Variants in TOX2 observed in about 807,000 individuals in gnomAD.
The protein encoded by TOX2 is granulosa cell HMG box 1.
TOX2 carries 15 observed loss-of-function variants against 47.4 expected under a neutral mutation model. That is an observed-to-expected ratio of 0.32 (90% CI 0.21 to 0.49). The LOEUF (loss-of-function observed/expected upper bound fraction) is 0.49, where lower values mean the gene tolerates loss of function less well. TOX2 is among the 20% of genes least tolerant of loss of function. TOX2 has a pLI of 0.99. For missense variants in TOX2, 622 were observed against 673.1 expected (o/e 0.92, Z 0.84); for synonymous variants, 290 against 296.6 (o/e 0.98, Z 0.23).
chr20:44,019,733 G>A lies in TOX2; in HGVS notation c.411+12941G>A, dbSNP rs533417640. Among the ~76,000 whole-genome samples the A allele has an allele frequency of 1.1e-4, 16 of 152,274 alleles. No individual in the cohort carries two copies. In the South Asian group the frequency reaches 1.2e-3, roughly 12 times the overall value. ...CATGGTTAGTTCTTCCTGTCATCCC[G>A]GAAACTGATAACAAGACCGCGAGTC... On this transcript the variant is annotated intron_variant, in intron 3 of 8. Coordinates refer to ENST00000341197, the MANE Select transcript of TOX2 (RefSeq NM_001098797.2).
chr20:43,981,068 G>A (rs1326873821), intron 2 of TOX2, among the ~76,000 whole-genome samples: 28 of 152,178 alleles, frequency 1.8e-4, no homozygotes, highest in Admixed American at 1.8e-3. Context: ...AAATACAAGT[G>A]GCTCTTAAGT....
chr20:43,987,912 CTTTTTTTTTTTTT>C (rs762084312), intron 2 of TOX2, among the ~76,000 whole-genome samples: 2 of 69,980 alleles, frequency 2.9e-5, no homozygotes, highest in African/African-American at 6.1e-5. Context: ...ATATCAACAT[CTTTTTTTTTTTTT>C]TTTTTTTTTT....
chr20:43,960,039 C>T (rs917854575), intron 1 of TOX2, among the ~76,000 whole-genome samples: 2 of 152,194 alleles, frequency 1.3e-5, no homozygotes, highest in Non-Finnish European at 2.9e-5. Context: ...CATAACCTCC[C>T]TCGACCTCAG....
chr20:43,935,149 G>A (rs2145331925), intron 1 of TOX2, among the ~76,000 whole-genome samples: 1 of 152,212 alleles, frequency 6.6e-6, no homozygotes, highest in Non-Finnish European at 1.5e-5. Flanking sequence ...GACAGATTGG[G>A]CTTGGGGTGC....
intron 1 of TOX2, among the ~76,000 whole-genome samples, chr20:43,949,392 G>A (rs969333332): frequency 3.3e-5 from 5 of 152,238 alleles, no homozygotes; most frequent in Admixed American, 3.3e-4. Flanking sequence ...GCAGCAGCCA[G>A]TGGGATCTCT....
chr20:44,004,849 G>A (rs1051284231), intron 2 of TOX2, among the ~76,000 whole-genome samples: 2 of 152,166 alleles, frequency 1.3e-5, no homozygotes, highest in African/African-American at 4.8e-5. Flanking sequence ...TGTGGTTTAG[G>A]TTTCCCCCCA....
At chr20:43,946,374 T>G (rs2069470994) in intron 1 of TOX2, among the ~76,000 whole-genome samples, 1 of 152,002 alleles carries the variant, frequency 6.6e-6, no homozygotes, top group African/African-American at 2.4e-5. Flanking sequence ...TCTGGCTGAT[T>G]CAGACTGGAA....
chr20:44,041,541 T>TTTATGAAG (rs1181161630), intron 3 of TOX2, among the ~76,000 whole-genome samples: 2 of 152,206 alleles, frequency 1.3e-5, no homozygotes, highest in Non-Finnish European at 2.9e-5. Context: ...ATGTACTGTC[T>TTTATGAAG]TTATGAAGGG....
intron 2 of TOX2, among the ~76,000 whole-genome samples, chr20:43,982,653 G>T (rs1457657470): frequency 6.6e-6 from 1 of 151,846 alleles, no homozygotes; most frequent in Non-Finnish European, 1.5e-5. Flanking sequence ...GGAGCCCACT[G>T]CCCAGCACAG....
At chr20:43,928,512 C>T (rs532627308) in intron 1 of TOX2, among the ~76,000 whole-genome samples, 8 of 152,356 alleles carry the variant, frequency 5.3e-5, no homozygotes, top group African/African-American at 9.6e-5. Context: ...ACCTGGATTA[C>T]GTCCTTCAGG....
chr20:43,995,292 G>A (rs1306179579), intron 2 of TOX2, among the ~76,000 whole-genome samples: 14 of 152,090 alleles, frequency 9.2e-5, no homozygotes, highest in African/African-American at 3.4e-4. Context: ...TATCTGAGAT[G>A]ATTAATTTGA....
rs2069046411 is a variant in TOX2 at position 43,915,566 on chromosome 20, C to A, written c.99+576C>A. Among the ~76,000 whole-genome samples, 1 of 152,228 alleles carries A rather than the reference C, an allele frequency of 6.6e-6. No individual in the cohort carries two copies. The highest frequency in any genetic ancestry group is 1.5e-5 in the Non-Finnish European group (1 of 68,044). On this transcript the variant is annotated intron_variant, in intron 1 of 8. Coordinates refer to ENST00000341197, the MANE Select transcript of TOX2 (RefSeq NM_001098797.2). This position sits in a 1 kb window ranked among gnomAD's most constrained non-coding sequence, Gnocchi z 7.1. ...TGTCACACACAGCCACCCCCCTGGA[C>A]GGTGAGCCTCAGACACAGATCGTCC...
At chr20:43,947,762 T>A (rs2069497009) in intron 1 of TOX2, among the ~76,000 whole-genome samples, 1 of 152,178 alleles carries the variant, frequency 6.6e-6, no homozygotes, top group Admixed American at 6.5e-5. Flanking sequence ...ATACCACTCA[T>A]CAGCACTGTG....
chr20:44,014,514 A>G (rs946625883), intron 3 of TOX2, among the ~76,000 whole-genome samples: 5 of 152,044 alleles, frequency 3.3e-5, no homozygotes, highest in African/African-American at 1.2e-4. Flanking sequence ...AGTCAGGTGT[A>G]TAGGCTATGT....
intron 3 of TOX2, among the ~76,000 whole-genome samples, chr20:44,032,867 C>T (rs1445326168): frequency 2.0e-5 from 3 of 152,186 alleles, no homozygotes; most frequent in South Asian, 2.1e-4. Flanking sequence ...GCTTCTCTGC[C>T]GGCGGCTTCA....
At chr20:44,063,841 G>A (rs928837643) in intron 5 of TOX2, among the ~76,000 whole-genome samples, 10 of 151,890 alleles carry the variant, frequency 6.6e-5, no homozygotes, top group Admixed American at 6.6e-4. Flanking sequence ...AAAAAGGAAG[G>A]AAATAATGGC....
rs115475310 is a variant in TOX2 at position 43,954,537 on chromosome 20, G to T, written c.100-18830G>T. Among the ~76,000 whole-genome samples, 507 of 152,310 alleles carry T rather than the reference G, an allele frequency of 3.3e-3. 2 individuals carry two copies. The highest frequency in any genetic ancestry group is 0.012 in the African/African-American group (486 of 41,556). On this transcript the variant is annotated intron_variant, in intron 1 of 8. Coordinates refer to ENST00000341197, the MANE Select transcript of TOX2 (RefSeq NM_001098797.2). ...GGGGGCACTCAGCGAACAAACCTCT[G>T]CGGAAAGATGAAGGATGGGTCCTGT...
chr20:44,026,228 G>GATATATATAT (rs6147358), intron 3 of TOX2, among the ~76,000 whole-genome samples: 1,255 of 60,110 alleles, frequency 0.021, 157 homozygotes, highest in Middle Eastern at 0.051. Context: ...AAGAAACTGT[G>GATATATATAT]ATATATATAT....
At chr20:43,997,544 T>A (rs373652355) in intron 2 of TOX2, among the ~76,000 whole-genome samples, 71 of 152,280 alleles carry the variant, frequency 4.7e-4, no homozygotes, top group African/African-American at 1.6e-3. Context: ...CCCTTTTGGG[T>A]ATCTTTTTCT....
Sources: allele counts gnomAD v4.1 joint callset (sites outside exome capture counted in the v4.1 genomes callset), GRCh38; gene constraint gnomAD v4.1.1; non-coding constraint Gnocchi (gnomAD v3.1); transcripts MANE v1.5; gene names NCBI Gene and HGNC (gene_info 2026-07-23, HGNC 2026-07-21).